Variants in BCAT1 observed in about 807,000 individuals in gnomAD.
BCAT1 encodes the protein branched-chain-amino-acid aminotransferase, cytosolic.
BCAT1 carries 48 observed loss-of-function variants against 52.4 expected under a neutral mutation model. That is an observed-to-expected ratio of 0.92 (90% CI 0.73 to 1.16). BCAT1 has a LOEUF of 1.16. BCAT1 is among the 50% of genes most tolerant of loss of function. The probability of loss-of-function intolerance (pLI) is 0.00; values close to 1 mark genes in which losing one functional copy is unlikely to be tolerated. For synonymous variants in BCAT1, 167 were observed against 161.3 expected (o/e 1.04, Z -0.27); for missense variants, 451 against 457.1 (o/e 0.99, Z 0.12).
At chr12:24,836,906 GAGAGAAAGAA>G (rs1189522844) in intron 7 of BCAT1, among the ~76,000 whole-genome samples, 12,693 of 76,154 alleles carry the variant, frequency 0.17, 2,004 homozygotes, top group South Asian at 0.23. Context: ...AGAAAAGAAA[GAGAGAAAGAA>G]AGAAAGAAAG....
At position 24,844,663 on chromosome 12, in the gene BCAT1, C is replaced by T. The variant is rs138033165; in HGVS notation, c.675-2439G>A. Among the ~76,000 whole-genome samples the T allele has an allele frequency of 7.3e-5, 11 of 151,210 alleles. No individual in the cohort carries two copies. The East Asian group carries it at 1.8e-3, about 24-fold the overall frequency. ...CCTGTAATCCCAGCACTTTGGGAGGCGAGACGGCCGGATCATGAGGTCAGG... is the reference window on the plus strand; with the variant it reads ...CCTGTAATCCCAGCACTTTGGGAGGTGAGACGGCCGGATCATGAGGTCAGG... On this transcript the variant is annotated intron_variant, in intron 6 of 10. Coordinates refer to ENST00000261192, the MANE Select transcript of BCAT1 (RefSeq NM_005504.7).
Position 24,853,257 on chromosome 12 carries a change from C to T in BCAT1, c.511-3308G>A, listed in dbSNP as rs367606619. On this transcript the variant is annotated intron_variant, in intron 5 of 10. Transcript: ENST00000261192. ...TGTGATACATATAAACCATGGAATA[C>T]TATGCAGCCATAAAAAAGAATGAAC... is the stretch of plus-strand genomic sequence containing the variant. Among the ~76,000 whole-genome samples, 9 of 152,302 alleles carry T rather than the reference C, an allele frequency of 5.9e-5. No homozygotes were observed. The East Asian group carries it at 1.2e-3, about 20-fold the overall frequency.
intron 3 of BCAT1, among the ~76,000 whole-genome samples, chr12:24,883,845 T>C (rs780974304): frequency 2.6e-5 from 4 of 152,124 alleles, no homozygotes; most frequent in East Asian, 1.9e-4. Flanking sequence ...CAGTTCACAA[T>C]AGGGTTCACA....
chr12:24,926,443 C>T (rs1401695482), intron 1 of BCAT1, among the ~76,000 whole-genome samples: 2 of 152,204 alleles, frequency 1.3e-5, no homozygotes, highest in African/African-American at 4.8e-5. Flanking sequence ...CCGGCCGCCA[C>T]CCCGTCTGGG....
chr12:24,903,125 G>T, intron 1 of BCAT1: 1 of 1,320,964 alleles, frequency 7.6e-7, no homozygotes, highest in African/African-American at 1.5e-5. Flanking sequence ...GGGGCCGCGC[G>T]CCAGGGCCAG....
In BCAT1 at chr12:24,817,774, G is replaced by A. The variant is rs2220269; in HGVS notation, c.*234C>T. 0.73 allele frequency: 367,328 copies of A among 503,600 alleles called. 135,199 individuals carry two copies. The highest frequency in any genetic ancestry group is 0.89 in the East Asian group (29,243 of 32,732). 31.2% of individuals were successfully genotyped at this position (503,600 alleles called of 1,614,324 possible). A position where few individuals can be genotyped will look rare whatever the true frequency, so the allele number is the denominator to read the frequency against. ...CCCATGTTATATGGCTTACATTAAT[G>A]TTTTTCTAGGTAAGGTAAGGTAAGT... On this transcript the variant is annotated 3_prime_UTR_variant, in exon 11 of 11. Transcript: ENST00000261192.
rs1943979389 is a variant in BCAT1 at position 24,948,967 on chromosome 12, C to A, written c.-35G>T. ...GGCCACGAGGGAAGCTCGAGCTGAG[C>A]GGAGGGCAGATCCCAAGGGTCGTAG... On this transcript the variant is annotated 5_prime_UTR_variant, in exon 1 of 11. Transcript: ENST00000261192. 1.3e-6 allele frequency: 2 copies of A among 1,585,952 alleles called. No individual in the cohort carries two copies. The highest frequency in any genetic ancestry group is 1.2e-5 in the South Asian group (1 of 86,308).
At chr12:24,887,269 G>C (rs958487528) in intron 3 of BCAT1, among the ~76,000 whole-genome samples, 4 of 151,060 alleles carry the variant, frequency 2.6e-5, no homozygotes, top group African/African-American at 9.7e-5. Flanking sequence ...GGGCAGAACT[G>C]GGATGGGAAC....
intron 1 of BCAT1, among the ~76,000 whole-genome samples, chr12:24,942,657 T>C (rs1194011803): frequency 1.3e-5 from 2 of 152,152 alleles, no homozygotes; most frequent in Admixed American, 1.3e-4. Flanking sequence ...GCCTTCTCCT[T>C]TGACAGGTAC....
At chr12:24,824,872 C>T (rs948368129) in intron 10 of BCAT1, among the ~76,000 whole-genome samples, 2 of 152,000 alleles carry the variant, frequency 1.3e-5, no homozygotes, top group South Asian at 4.2e-4. Context: ...GTAATAAATA[C>T]ATTTATATTC....
chr12:24,883,251 A>G (rs1942555042), intron 3 of BCAT1, among the ~76,000 whole-genome samples: 1 of 152,132 alleles, frequency 6.6e-6, no homozygotes, highest in African/African-American at 2.4e-5. Flanking sequence ...ACGCTGCTGC[A>G]CTCCAGCCTG....
chr12:24,839,974 T>C (rs1294516435), intron 7 of BCAT1, among the ~76,000 whole-genome samples: 1 of 152,214 alleles, frequency 6.6e-6, no homozygotes, highest in Non-Finnish European at 1.5e-5. Context: ...TTTTATTTGT[T>C]CTGTTAGATG....
chr12:24,878,381 G>A, intron 5 of BCAT1, 149 bp downstream of exon 5: 1 of 724,784 alleles, frequency 1.4e-6, no homozygotes, highest in Non-Finnish European at 2.0e-6. Context: ...GAAAATGTTT[G>A]CTACCTCTAA....
At chr12:24,903,402 G>C (rs371588797) in intron 1 of BCAT1, 1 of 171,990 alleles carries the variant, frequency 5.8e-6, no homozygotes, top group Middle Eastern at 2.5e-3. Context: ...AACTACATTA[G>C]GGCAGCTTTT....
chr12:24,825,198 C>T (rs145093938), intron 10 of BCAT1, among the ~76,000 whole-genome samples: 89 of 151,516 alleles, frequency 5.9e-4, no homozygotes, highest in African/African-American at 1.9e-3. Context: ...TGTTGACAGA[C>T]ATTTAGGTTA....
At position 24,812,809 on chromosome 12, in the gene BCAT1, G is replaced by A. The variant is rs1939733473; in HGVS notation, c.*5199C>T. ...CAGGAAACCTAGCCATTGTGATAGT[G>A]GATATGTAGAGAAAAGCCAGTGAAA... On this transcript the variant is annotated 3_prime_UTR_variant, in exon 11 of 11. Coordinates refer to ENST00000261192, the MANE Select transcript of BCAT1 (RefSeq NM_005504.7). 1 of 151,956 alleles carries A rather than the reference G, an allele frequency of 6.6e-6. No homozygotes were observed. The highest frequency in any genetic ancestry group is 2.4e-5 in the African/African-American group (1 of 41,424). 9.4% of individuals were successfully genotyped at this position (151,956 alleles called of 1,614,324 possible).
At chr12:24,926,158 CG>C (rs2139732057) in intron 1 of BCAT1, among the ~76,000 whole-genome samples, 1 of 151,852 alleles carries the variant, frequency 6.6e-6, no homozygotes, top group African/African-American at 2.4e-5. Context: ...CGTCTCTGCC[CG>C]GCCGCCCATC....
chr12:24,834,543 T>C (rs1940837937), intron 8 of BCAT1: 2 of 972,044 alleles, frequency 2.1e-6, no homozygotes, highest in Admixed American at 1.2e-4. Flanking sequence ...AAAAATAAGA[T>C]GAGTATTTTT....
chr12:24,833,734 AAAGG>A (rs2139390604), intron 8 of BCAT1: 1 of 152,306 alleles, frequency 6.6e-6, no homozygotes, highest in Non-Finnish European at 1.5e-5. Flanking sequence ...CCAGGGCCAC[AAAGG>A]AAGTAAGTGA....
Sources: allele counts gnomAD v4.1 joint callset (sites outside exome capture counted in the v4.1 genomes callset), GRCh38; gene constraint gnomAD v4.1.1; transcripts MANE v1.5; gene names NCBI Gene and HGNC (gene_info 2026-07-23, HGNC 2026-07-21).